The following RASEF variants were observed in gnomAD, a reference collection of about 807,000 sequenced individuals.
The protein encoded by RASEF is ras and EF-hand domain-containing protein.
Under a neutral mutation model 90.1 loss-of-function variants are expected in RASEF, and 68 were observed. The ratio of observed to expected loss-of-function variants is 0.75; its 90% CI spans 0.62 to 0.92. The LOEUF (loss-of-function observed/expected upper bound fraction) is 0.92. Ranked by LOEUF, RASEF falls within the 40% of genes least tolerant of loss-of-function variation. The pLI, the probability that RASEF is intolerant of heterozygous loss-of-function variation, is 0.00. For synonymous variants in RASEF, 331 were observed against 345.2 expected, an observed-to-expected ratio of 0.96 and a Z score of 0.46; for missense variants, 949 against 937.2, an observed-to-expected ratio of 1.01 and a Z score of -0.16.
the RASEF span, among the ~76,000 whole-genome samples, chr9:83,086,629 G>A: frequency 6.6e-6 from 1 of 152,112 alleles, no homozygotes; most frequent in African/African-American, 2.4e-5. Flanking sequence ...CTAAAGGCTC[G>A]ACTGAGGGAG....
At chr9:83,074,886 T>C in the RASEF span, among the ~76,000 whole-genome samples, 15 of 152,178 alleles carry the variant, frequency 9.9e-5, no homozygotes, top group Non-Finnish European at 1.5e-5. Flanking sequence ...ACCTCTAAAA[T>C]TTTTTAAAAC....
At chr9:83,189,254 C>T in the RASEF span, among the ~76,000 whole-genome samples, 7 of 152,118 alleles carry the variant, frequency 4.6e-5, no homozygotes, top group East Asian at 1.9e-4. Flanking sequence ...CACTTTTGCT[C>T]GGCACTTCTT....
At chr9:83,002,036 C>T (rs528438965) in intron 9 of RASEF, among the ~76,000 whole-genome samples, 1 of 152,168 alleles carries the variant, frequency 6.6e-6, no homozygotes, top group African/African-American at 2.4e-5. Flanking sequence ...AAACTGTATA[C>T]ATTCCTGTTT....
intron 3 of RASEF, among the ~76,000 whole-genome samples, chr9:83,017,456 C>T (rs554238528): frequency 1.1e-4 from 16 of 151,598 alleles, no homozygotes; most frequent in East Asian, 5.8e-4. Flanking sequence ...GCCGAGATCG[C>T]GCCACAGCAC....
chr9:83,206,393 C>T, the RASEF span, among the ~76,000 whole-genome samples: 2 of 152,166 alleles, frequency 1.3e-5, no homozygotes, highest in African/African-American at 4.8e-5. Flanking sequence ...AGATGACAGG[C>T]ATAAAATACT....
At chr9:83,078,311 T>C in the RASEF span, among the ~76,000 whole-genome samples, 2 of 152,186 alleles carry the variant, frequency 1.3e-5, no homozygotes, top group Non-Finnish European at 2.9e-5. Flanking sequence ...GACCTCAGCC[T>C]GCCTTGATTT....
chr9:83,072,332 C>T, the RASEF span, among the ~76,000 whole-genome samples: 24 of 152,166 alleles, frequency 1.6e-4, no homozygotes, highest in Non-Finnish European at 2.1e-4. Context: ...ACTTCCTGCA[C>T]GCTGTTTCCT....
At chr9:83,047,237 T>A (rs1283296915) in intron 1 of RASEF, among the ~76,000 whole-genome samples, 1 of 151,582 alleles carries the variant, frequency 6.6e-6, no homozygotes, top group African/African-American at 2.4e-5. Context: ...GGAACAAAGC[T>A]TGACTGAACC....
intron 16 of RASEF, among the ~76,000 whole-genome samples, chr9:82,984,916 C>T (rs1437201476): frequency 6.6e-6 from 1 of 152,196 alleles, no homozygotes; most frequent in Non-Finnish European, 1.5e-5. Context: ...CACAGATGCA[C>T]TCTGTGCCCA....
chr9:83,052,318 T>G (rs1196432658), intron 1 of RASEF, among the ~76,000 whole-genome samples: 1 of 138,208 alleles, frequency 7.2e-6, no homozygotes, highest in Non-Finnish European at 1.5e-5. Context: ...CTAGATTTTC[T>G]AGTTTATTTG....
chr9:83,179,562 T>A, the RASEF span, among the ~76,000 whole-genome samples: 1 of 152,210 alleles, frequency 6.6e-6, no homozygotes, highest in African/African-American at 2.4e-5. Context: ...GAGATCAAAC[T>A]GCATCAAGGC....
chr9:83,030,105 G>A (rs1261015554), intron 1 of RASEF, among the ~76,000 whole-genome samples: 3 of 152,130 alleles, frequency 2.0e-5, no homozygotes, highest in Non-Finnish European at 2.9e-5. Context: ...GGTGGCTCAC[G>A]CCTGTAATCC....
the RASEF span, among the ~76,000 whole-genome samples, chr9:83,171,249 A>T: frequency 6.6e-6 from 1 of 151,928 alleles, no homozygotes; most frequent in African/African-American, 2.4e-5. Flanking sequence ...GTGTATGTTG[A>T]CCTATCCTTG....
intron 1 of RASEF, among the ~76,000 whole-genome samples, chr9:83,037,808 T>G (rs1366967569): frequency 6.7e-6 from 1 of 149,320 alleles, no homozygotes; most frequent in Non-Finnish European, 1.5e-5. Flanking sequence ...TCAAAATCAG[T>G]TGGAAAACTT....
At chr9:83,147,026 GTGTATATATATATGTA>G in the RASEF span, among the ~76,000 whole-genome samples, 2 of 118,114 alleles carry the variant, frequency 1.7e-5, no homozygotes, top group African/African-American at 3.3e-5. Flanking sequence ...GTGTGTGTGT[GTGTATATATATATGTA>G]TATATATATA....
the RASEF span, among the ~76,000 whole-genome samples, chr9:83,106,581 T>C: frequency 6.6e-6 from 1 of 152,158 alleles, no homozygotes; most frequent in Non-Finnish European, 1.5e-5. Context: ...AGCTTGACCC[T>C]GGGCTCTTGA....
the RASEF span, among the ~76,000 whole-genome samples, chr9:83,180,495 T>C: frequency 6.6e-6 from 1 of 151,654 alleles, no homozygotes; most frequent in Non-Finnish European, 1.5e-5. Context: ...TTTTTTTTTT[T>C]CAAAACATGA....
At chr9:83,048,418 CT>C in intron 1 of RASEF, 1 of 985,346 alleles carries the variant, frequency 1.0e-6, no homozygotes, top group Non-Finnish European at 1.2e-6. Flanking sequence ...TATATCCTCA[CT>C]GATGTCATCA....
chr9:83,020,070 T>G (rs1350111408), intron 3 of RASEF, among the ~76,000 whole-genome samples: 2 of 152,156 alleles, frequency 1.3e-5, no homozygotes, highest in African/African-American at 4.8e-5. Context: ...TTATATGCAG[T>G]TTATTGCCTG....
Sources: gnomAD v4.1 joint callset for allele counts (sites outside exome capture counted in the v4.1 genomes callset) on GRCh38, gnomAD v4.1.1 for gene constraint, MANE v1.5 for transcripts, NCBI Gene and HGNC (gene_info 2026-07-23, HGNC 2026-07-21) for gene names.